Variants in FXN observed in about 807,000 individuals in gnomAD.
The protein encoded by FXN is frataxin.
A neutral mutation model predicts 22.4 loss-of-function variants in FXN; 14 were observed. The ratio of observed to expected loss-of-function variants is 0.62; its 90% CI spans 0.41 to 0.98. The LOEUF is 0.98. FXN is among the 50% of genes least tolerant of loss of function. The pLI is 0.00. For synonymous variants in FXN, 120 were observed against 114.1 expected (o/e 1.05, Z -0.33); for missense variants, 267 against 268.4 (o/e 0.99, Z 0.04).
rs1832379163 is a variant in FXN at position 69,076,881 on chromosome 9, AACG to A, written c.*4124_*4126del. ...TTTCATGTAAATTTATGCTGTTCAAAACGACGAGTTCATGACTTTGTGTATAGA... is the reference window on the plus strand; with the variant it reads ...TTTCATGTAAATTTATGCTGTTCAAAACGAGTTCATGACTTTGTGTATAGA... On this transcript the variant is annotated 3_prime_UTR_variant, in exon 5 of 5. Transcript: ENST00000484259. 2 of 985,312 alleles carry A rather than the reference AACG, an allele frequency of 2.0e-6. No individual in the cohort carries two copies. The highest frequency in any genetic ancestry group is 4.7e-5 in the South Asian group (1 of 21,286). 61.0% of individuals were successfully genotyped at this position (985,312 alleles called of 1,614,324 possible). A position where few individuals can be genotyped will look rare whatever the true frequency, so the allele number is the denominator to read the frequency against.
At chr9:69,041,827 G>A (rs772811260) in intron 1 of FXN, among the ~76,000 whole-genome samples, 1 of 152,200 alleles carries the variant, frequency 6.6e-6, no homozygotes, top group Non-Finnish European at 1.5e-5. Context: ...AGCAGGCACT[G>A]TGTGAGTGAG....
chr9:69,041,209 ACCT>A (rs982312534), intron 1 of FXN, among the ~76,000 whole-genome samples: 1 of 152,052 alleles, frequency 6.6e-6, no homozygotes. Context: ...TTAGAGTTTG[ACCT>A]CCTCTGTATC....
intron 2 of FXN, among the ~76,000 whole-genome samples, chr9:69,049,290 T>C (rs149527902): frequency 2.3e-3 from 349 of 152,274 alleles, no homozygotes; most frequent in African/African-American, 8.0e-3. Context: ...CTCCTACGCA[T>C]TCTCTCCAGC....
intron 4 of FXN, among the ~76,000 whole-genome samples, chr9:69,069,059 A>G (rs985782976): frequency 6.6e-6 from 1 of 152,214 alleles, no homozygotes; most frequent in African/African-American, 2.4e-5. Context: ...GACAGAAGCA[A>G]TGCTTGCAGG....
In FXN at chr9:69,051,845, TG is replaced by T. The variant is rs561605018; in HGVS notation, c.264-1294del. 3.0e-3 allele frequency among the ~76,000 whole-genome samples: 456 copies of T among 152,340 alleles called. 2 individuals carry two copies. Among genetic ancestry groups the T allele is most frequent in the Non-Finnish European group, 4.1e-3 (281 of 68,022 alleles). On this transcript the variant is annotated intron_variant, in intron 2 of 4. Transcript: ENST00000484259. ...ATAGCATTTACTGAATCAGAATAAC[TG>T]TTTTTTGGGGTTTTCTTTGAGACGG... is the stretch of plus-strand genomic sequence containing the variant.
At chr9:69,055,372 C>A (rs931738466) in intron 3 of FXN, among the ~76,000 whole-genome samples, 5 of 152,170 alleles carry the variant, frequency 3.3e-5, no homozygotes, top group Non-Finnish European at 7.3e-5. Context: ...CAAAAACAGT[C>A]ATGAAACCTG....
rs371939673 is a variant in FXN, at chr9:69,073,108, GTCTTCAC to G, written c.*353_*359del. On this transcript the variant is annotated 3_prime_UTR_variant, in exon 5 of 5. Transcript: ENST00000484259. Reference sequence around the variant, plus strand: ...AAAATTCCAGGAGGGAAAATGAATTGTCTTCACTCTTCATTCTTTGAAGGATTTACTG... The same window carrying G: ...AAAATTCCAGGAGGGAAAATGAATTGTCTTCATTCTTTGAAGGATTTACTG... The G allele has an allele frequency of 1.5e-3, 1,776 of 1,163,688 alleles. 3 individuals are homozygous for G. The highest frequency in any genetic ancestry group is 1.9e-3 in the South Asian group (87 of 46,984). 72.1% of individuals were successfully genotyped at this position (1,163,688 alleles called of 1,614,324 possible).
intron 2 of FXN, among the ~76,000 whole-genome samples, chr9:69,052,246 G>A (rs994249157): frequency 3.3e-5 from 5 of 149,366 alleles, no homozygotes; most frequent in South Asian, 2.1e-4. Context: ...CTCCACCTCC[G>A]GGGTTTCAGT....
In FXN at chr9:69,077,221, T is replaced by C; in HGVS notation, c.*4459T>C. ...GCCACTGCACCCAGCCAGAAATGCCTTCTAATCTTTGGTTTATCTTAATTA... is the reference window on the plus strand; with the variant it reads ...GCCACTGCACCCAGCCAGAAATGCCCTCTAATCTTTGGTTTATCTTAATTA... On this transcript the variant is annotated 3_prime_UTR_variant, in exon 5 of 5. Transcript: ENST00000484259. The C allele has an allele frequency of 1.0e-6, 1 of 984,992 alleles. No individual in the cohort carries two copies. Among genetic ancestry groups the C allele is most frequent in the Non-Finnish European group, 1.2e-6 (1 of 829,696 alleles). The allele number at this position is 984,992 out of a possible 1,614,324, so 61.0% of individuals were successfully genotyped here. A position where few individuals can be genotyped will look rare whatever the true frequency, so the allele number is the denominator to read the frequency against.
At chr9:69,039,684 G>A (rs562045597) in intron 1 of FXN, among the ~76,000 whole-genome samples, 15 of 152,274 alleles carry the variant, frequency 9.9e-5, no homozygotes, top group African/African-American at 3.4e-4. Context: ...GGAGGGATGT[G>A]ACGGGGCTGC....
intron 2 of FXN, 58 bp downstream of exon 2, chr9:69,046,540 C>A: frequency 1.7e-6 from 2 of 1,199,508 alleles, no homozygotes; most frequent in Non-Finnish European, 2.5e-6. Context: ...CCTGCCTCTC[C>A]CATTAGAACC....
In FXN at chr9:69,078,881, A is replaced by G; in HGVS notation, c.*6119A>G. The G allele has an allele frequency of 1.0e-6, 1 of 985,688 alleles. No individual in the cohort carries two copies. Among genetic ancestry groups the G allele is most frequent in the Non-Finnish European group, 1.2e-6 (1 of 830,152 alleles). 61.1% of individuals were successfully genotyped at this position (985,688 alleles called of 1,614,324 possible). ...GCATACCATGTTTGTCTTTCCCAGC[A>G]CTGACCTACCATGTGTCACCCCTGC... On this transcript the variant is annotated 3_prime_UTR_variant, in exon 5 of 5. Coordinates refer to ENST00000484259, the MANE Select transcript of FXN (RefSeq NM_000144.5).
At chr9:69,037,326 C>T (rs1242720519) in intron 1 of FXN, among the ~76,000 whole-genome samples, 4 of 135,732 alleles carry the variant, frequency 2.9e-5, no homozygotes, top group African/African-American at 8.0e-5. Flanking sequence ...GTTAGCCGGG[C>T]GTGGTGTCGC....
Position 69,073,210 on chromosome 9 carries a change from G to T in FXN, c.*448G>T, listed in dbSNP as rs1296600759. The T allele has an allele frequency of 1.9e-6, 2 of 1,047,246 alleles. No homozygotes were observed. The highest frequency in any genetic ancestry group is 2.3e-6 in the Non-Finnish European group (2 of 868,118). The allele number at this position is 1,047,246 out of a possible 1,614,324, so 64.9% of individuals were successfully genotyped here. A position where few individuals can be genotyped will look rare whatever the true frequency, so the allele number is the denominator to read the frequency against. On this transcript the variant is annotated 3_prime_UTR_variant, in exon 5 of 5. Coordinates refer to ENST00000484259, the MANE Select transcript of FXN (RefSeq NM_000144.5). ...ATCTCCAAATGAGACACATTAAAGG[G>T]TAGCCTACAAATGTTTTCAGGCTTC... is the stretch of plus-strand genomic sequence containing the variant.
chr9:69,035,789 A>C lies in FXN; in HGVS notation c.7A>C (p.Thr3Pro). Residue 3 changes from threonine to proline, a missense_variant, in exon 1 of 5, where the codon ACT (threonine) becomes CCT (proline). Coordinates refer to ENST00000484259, the MANE Select transcript of FXN (RefSeq NM_000144.5). ...GCGGCAGACCCGGAGCAGCATGTGG[A>C]CTCTCGGGCGCCGCGCAGTAGCCGG... MW[T>P]LGRRAVAGLL... The C allele has an allele frequency of 1.3e-6, 2 of 1,507,604 alleles. No homozygotes were observed. Among genetic ancestry groups the C allele is most frequent in the Non-Finnish European group, 1.8e-6 (2 of 1,134,744 alleles). 93.4% of individuals were successfully genotyped at this position (1,507,604 alleles called of 1,614,324 possible). A position where few individuals can be genotyped will look rare whatever the true frequency, so the allele number is the denominator to read the frequency against.
intron 3 of FXN, among the ~76,000 whole-genome samples, chr9:69,063,248 T>C (rs1461930811): frequency 6.6e-6 from 1 of 152,172 alleles, no homozygotes; most frequent in African/African-American, 2.4e-5. Context: ...GAATATCTTT[T>C]ATCGCTGGTT....
chr9:69,040,960 T>G (rs1257279792), intron 1 of FXN, among the ~76,000 whole-genome samples: 2 of 152,196 alleles, frequency 1.3e-5, no homozygotes, highest in Non-Finnish European at 2.9e-5. Context: ...TGATCTTGGA[T>G]TTCCCACCCT....
In FXN at chr9:69,074,526, A is replaced by C. The variant is rs1162726828; in HGVS notation, c.*1764A>C. The C allele has an allele frequency of 2.1e-6, 2 of 950,042 alleles. No homozygotes were observed. The highest frequency in any genetic ancestry group is 4.4e-5 in the African/African-American group (2 of 45,150). The allele number at this position is 950,042 out of a possible 1,614,324, so 58.9% of individuals were successfully genotyped here. A position where few individuals can be genotyped will look rare whatever the true frequency, so the allele number is the denominator to read the frequency against. On this transcript the variant is annotated 3_prime_UTR_variant, in exon 5 of 5. Transcript: ENST00000484259. ...CAGAGCGAGACTCCGTCTCAAAAAAAAAAAAAAGGAGGGTTTATTAATGAG... is the reference window on the plus strand; with the variant it reads ...CAGAGCGAGACTCCGTCTCAAAAAACAAAAAAAGGAGGGTTTATTAATGAG...
intron 4 of FXN, 90 bp downstream of exon 4, chr9:69,065,125 G>A: frequency 1.0e-6 from 1 of 1,004,818 alleles, no homozygotes; most frequent in South Asian, 1.3e-5. Flanking sequence ...TGTCGGCTGA[G>A]CACAGTGGCT....
Sources: allele counts gnomAD v4.1 joint callset (sites outside exome capture counted in the v4.1 genomes callset), GRCh38; gene constraint gnomAD v4.1.1; transcripts MANE v1.5; gene names NCBI Gene and HGNC (gene_info 2026-07-23, HGNC 2026-07-21).